C10orf90: variants seen among roughly 807,000 people sequenced by gnomAD.
The protein encoded by C10orf90 is chromosome 10 open reading frame 90.
C10orf90 carries 56 observed loss-of-function variants against 62.5 expected under a neutral mutation model. That is an observed-to-expected ratio of 0.90 (90% confidence interval 0.72 to 1.12). The LOEUF is 1.12. Ranked by LOEUF, C10orf90 falls within the 50% of genes most tolerant of loss-of-function variation. The probability of loss-of-function intolerance (pLI) is 0.00; values close to 1 mark genes in which losing one functional copy is unlikely to be tolerated. For missense variants in C10orf90, 970 were observed against 880.4 expected (o/e 1.10, Z -1.29); for synonymous variants, 386 against 340.4 (o/e 1.13, Z -1.47).
At chr10:126,592,479 T>A (rs1051523495) in intron 2 of C10orf90, among the ~76,000 whole-genome samples, 4 of 152,200 alleles carry the variant, frequency 2.6e-5, no homozygotes, top group Non-Finnish European at 5.9e-5. Flanking sequence ...CTGGGAGAAC[T>A]GGCTAGGCAT....
intron 2 of C10orf90, among the ~76,000 whole-genome samples, chr10:126,608,490 C>A (rs1845363343): frequency 6.6e-6 from 1 of 152,086 alleles, no homozygotes; most frequent in Non-Finnish European, 1.5e-5. Context: ...CACTTAACCA[C>A]AAAATAAAAT....
intron 2 of C10orf90, among the ~76,000 whole-genome samples, chr10:126,614,998 T>C (rs1845511777): frequency 6.6e-6 from 1 of 152,212 alleles, no homozygotes; most frequent in Admixed American, 6.5e-5. Context: ...CTGTTCTGGC[T>C]GGCTTGACTG....
At chr10:126,668,139 C>A (rs960323039) in intron 1 of C10orf90, among the ~76,000 whole-genome samples, 121 of 152,262 alleles carry the variant, frequency 7.9e-4, no homozygotes, top group Non-Finnish European at 1.2e-3. Context: ...AGGTTTTACA[C>A]TAAAATCAAG....
At chr10:126,581,992 G>T (rs1159068861) in intron 2 of C10orf90, among the ~76,000 whole-genome samples, 2 of 152,260 alleles carry the variant, frequency 1.3e-5, no homozygotes, top group East Asian at 1.9e-4. Flanking sequence ...AGGGACAGTG[G>T]GCTCCCACCT....
At chr10:126,565,347 AT>A (rs1455343254) in intron 2 of C10orf90, among the ~76,000 whole-genome samples, 47 of 66,142 alleles carry the variant, frequency 7.1e-4, no homozygotes, top group South Asian at 1.7e-3. Context: ...TATATAATAT[AT>A]AATATATAAT....
chr10:126,541,323 G>T (rs1255961513), intron 2 of C10orf90, among the ~76,000 whole-genome samples: 1 of 151,256 alleles, frequency 6.6e-6, no homozygotes, highest in African/African-American at 2.4e-5. Context: ...TTTAGCAATT[G>T]GATAAATAAA....
intron 7 of C10orf90, among the ~76,000 whole-genome samples, chr10:126,442,643 A>G (rs1355152472): frequency 1.1e-3 from 23 of 20,494 alleles, no homozygotes; most frequent in African/African-American, 3.3e-3. Flanking sequence ...GTATATATAT[A>G]TATATATATA....
At chr10:126,537,690 C>T (rs1864271395) in intron 2 of C10orf90, among the ~76,000 whole-genome samples, 1 of 152,194 alleles carries the variant, frequency 6.6e-6, no homozygotes. Context: ...AGAAATTCTA[C>T]AGCCCAGGAG....
rs553130302 is a variant in C10orf90, at chr10:126,578,003, A to G, written c.314-64064T>C. Reference sequence around the variant, plus strand: ...ACAATTCCAGATTAATAGTATCTCCATGTAAAAGGTAACAATCAGTAAATA... The same window carrying G: ...ACAATTCCAGATTAATAGTATCTCCGTGTAAAAGGTAACAATCAGTAAATA... On this transcript the variant is annotated intron_variant, in intron 2 of 9. Transcript: ENST00000488181. Among the ~76,000 whole-genome samples, 3 of 152,308 alleles carry G rather than the reference A, an allele frequency of 2.0e-5. No homozygotes were observed. In the East Asian group the frequency reaches 5.8e-4, roughly 29 times the overall value.
At chr10:126,429,498 A>G (rs1176779359) in intron 8 of C10orf90, among the ~76,000 whole-genome samples, 2 of 152,246 alleles carry the variant, frequency 1.3e-5, no homozygotes, top group East Asian at 3.8e-4. Context: ...ACTAATATGC[A>G]GGAGTTCCAG....
chr10:126,518,045 C>T (rs567622602), intron 2 of C10orf90, among the ~76,000 whole-genome samples: 14 of 103,768 alleles, frequency 1.3e-4, no homozygotes, highest in Non-Finnish European at 2.3e-4. Flanking sequence ...TATCAGGTTT[C>T]CCTCACTCTT....
At chr10:126,638,693 A>C (rs1846002115) in intron 2 of C10orf90, among the ~76,000 whole-genome samples, 1 of 152,086 alleles carries the variant, frequency 6.6e-6, no homozygotes, top group African/African-American at 2.4e-5. Flanking sequence ...CCCTCAGATA[A>C]GCTCCCCCAG....
chr10:126,612,474 G>A (rs1564892290), intron 2 of C10orf90, among the ~76,000 whole-genome samples: 2 of 152,198 alleles, frequency 1.3e-5, no homozygotes, highest in African/African-American at 4.8e-5. Flanking sequence ...TGGCCACCCT[G>A]TGAGAGACGC....
At chr10:126,447,118 G>T (rs1289677346) in intron 7 of C10orf90, among the ~76,000 whole-genome samples, 1 of 151,734 alleles carries the variant, frequency 6.6e-6, no homozygotes, top group East Asian at 1.9e-4. Flanking sequence ...AATGAACAAA[G>T]GATCTAAAAA....
At chr10:126,523,364 A>G (rs1376325108) in intron 2 of C10orf90, 1 of 152,226 alleles carries the variant, frequency 6.6e-6, no homozygotes, top group Non-Finnish European at 1.5e-5. Context: ...TCATGCCACT[A>G]TCTCAGTGCA....
At chr10:126,622,931 C>A (rs1398022725) in intron 2 of C10orf90, among the ~76,000 whole-genome samples, 1 of 152,176 alleles carries the variant, frequency 6.6e-6, no homozygotes, top group African/African-American at 2.4e-5. Flanking sequence ...CTCATTGTTA[C>A]AAATTAAGTA....
chr10:126,442,602 T>G (rs1858444187), intron 7 of C10orf90, among the ~76,000 whole-genome samples: 1 of 129,442 alleles, frequency 7.7e-6, no homozygotes, highest in African/African-American at 3.0e-5. Flanking sequence ...GTCAATGGAA[T>G]ATTGAAGTTC....
chr10:126,567,894 C>T (rs1190900420), intron 2 of C10orf90, among the ~76,000 whole-genome samples: 1 of 151,792 alleles, frequency 6.6e-6, no homozygotes, highest in Non-Finnish European at 1.5e-5. Context: ...TTGTAAGATG[C>T]GGCAGGTTTG....
chr10:126,533,127 G>A (rs1864148946), intron 2 of C10orf90, among the ~76,000 whole-genome samples: 2 of 151,542 alleles, frequency 1.3e-5, no homozygotes, highest in South Asian at 4.2e-4. Context: ...GTAGAGATGG[G>A]GTTTCACCAT....
Sources: gnomAD v4.1 joint callset for allele counts (sites outside exome capture counted in the v4.1 genomes callset) on GRCh38, gnomAD v4.1.1 for gene constraint, MANE v1.5 for transcripts, NCBI Gene and HGNC (gene_info 2026-07-23, HGNC 2026-07-21) for gene names.